Variants in METTL22 observed in about 807,000 individuals in gnomAD.
METTL22 encodes the protein methyltransferase-like protein 22.
METTL22 carries 51 observed loss-of-function variants against 48.4 expected under a neutral mutation model. The observed-to-expected ratio is 1.05, with a 90% confidence interval of 0.84 to 1.33. The LOEUF is 1.33. Among genes scored for constraint, METTL22 ranks in the 40% most tolerant of loss-of-function variants. The pLI is 0.00. For synonymous variants in METTL22, 255 were observed against 214.1 expected (o/e 1.19, Z -1.67); for missense variants, 678 against 526.9 (o/e 1.29, Z -2.81).
At chr16:8,626,301 C>G (rs1490251737) in intron 2 of METTL22, among the ~76,000 whole-genome samples, 3 of 152,166 alleles carry the variant, frequency 2.0e-5, no homozygotes, top group Non-Finnish European at 4.4e-5. Context: ...ATTAAGCAAA[C>G]TCCTGTGGTT....
intron 8 of METTL22, 23 bp downstream of exon 8, chr16:8,642,230 G>T (rs1284809061): frequency 6.3e-7 from 1 of 1,584,604 alleles, no homozygotes; most frequent in Non-Finnish European, 8.7e-7. Flanking sequence ...CTCCTTCGCC[G>T]TACACGTCCT....
At chr16:8,630,092 A>T (rs2056204390) in intron 3 of METTL22, among the ~76,000 whole-genome samples, 1 of 152,096 alleles carries the variant, frequency 6.6e-6, no homozygotes, top group African/African-American at 2.4e-5. Flanking sequence ...TGGTGTCTTG[A>T]GTTCCCAGGG....
chr16:8,666,190 A>G, the METTL22 span, among the ~76,000 whole-genome samples: 2 of 152,184 alleles, frequency 1.3e-5, no homozygotes, highest in African/African-American at 4.8e-5. Flanking sequence ...ATCCTGAGCA[A>G]GCAGTTCTTG....
intron 3 of METTL22, among the ~76,000 whole-genome samples, chr16:8,633,188 C>A (rs1235300099): frequency 1.3e-5 from 2 of 152,152 alleles, no homozygotes; most frequent in Non-Finnish European, 2.9e-5. Flanking sequence ...AGCACACAAG[C>A]CTTCAGCCTG....
chr16:8,653,606 T>A, downstream of METTL22, among the ~76,000 whole-genome samples: 1 of 152,226 alleles, frequency 6.6e-6, no homozygotes, highest in East Asian at 1.9e-4. Flanking sequence ...TCAGTCTCTA[T>A]TGATTACTAG....
intron 3 of METTL22, 104 bp downstream of exon 3, chr16:8,629,214 G>C (rs1040372659): frequency 6.2e-6 from 9 of 1,458,198 alleles, no homozygotes; most frequent in Non-Finnish European, 8.3e-6. Flanking sequence ...GGCCCAGGCA[G>C]CACAGGTTAT....
chr16:8,638,495 C>T (rs538393890), intron 5 of METTL22, among the ~76,000 whole-genome samples: 4 of 152,236 alleles, frequency 2.6e-5, no homozygotes, highest in East Asian at 1.9e-4. Flanking sequence ...GAGTAGCAGG[C>T]GGCTGGGAGG....
chr16:8,663,381 G>A, the METTL22 span, among the ~76,000 whole-genome samples: 2 of 152,058 alleles, frequency 1.3e-5, no homozygotes, highest in East Asian at 1.9e-4. Context: ...TAACCACTTC[G>A]CCTAAGTGTT....
chr16:8,649,804 CAAAA>C (rs1308905444), downstream of METTL22: 4 of 45,674 alleles, frequency 8.8e-5, no homozygotes, highest in African/African-American at 2.4e-4. Flanking sequence ...AACTCCGTCT[CAAAA>C]GAAATTAAAA....
intron 3 of METTL22, among the ~76,000 whole-genome samples, chr16:8,630,156 C>G (rs2056206860): frequency 6.6e-6 from 1 of 151,254 alleles, no homozygotes; most frequent in Non-Finnish European, 1.5e-5. Flanking sequence ...CAGTGGGTCA[C>G]TCTCAAAAAC....
the METTL22 span, among the ~76,000 whole-genome samples, chr16:8,658,708 G>A: frequency 6.6e-6 from 1 of 152,172 alleles, no homozygotes; most frequent in African/African-American, 2.4e-5. Context: ...CTCCGTCTTT[G>A]GGAGGGCGGG....
chr16:8,636,424 G>C (rs35992498), intron 5 of METTL22, among the ~76,000 whole-genome samples: 4,777 of 150,322 alleles, frequency 0.032, 136 homozygotes, highest in Non-Finnish European at 0.048. Context: ...TGTAATCCCA[G>C]CTACTTGGGA....
Position 8,649,548 on chromosome 16 carries a change from T to C in METTL22, c.*3405T>C, listed in dbSNP as rs113544516. 1.1e-4 allele frequency: 16 copies of C among 152,090 alleles called. 2 individuals are homozygous for C. The highest frequency in any genetic ancestry group is 3.9e-4 in the African/African-American group (16 of 41,466). 9.4% of individuals were successfully genotyped at this position (152,090 alleles called of 1,614,324 possible). ...GGCTCACACCTGTAATTCCAGCATT[T>C]TGGGAGGCCGAGGTGGGTGGATCAC... On this transcript the variant is annotated 3_prime_UTR_variant, in exon 11 of 11. Transcript: ENST00000381920.
At chr16:8,645,217 G>A (rs963715481) in intron 10 of METTL22, among the ~76,000 whole-genome samples, 2 of 152,174 alleles carry the variant, frequency 1.3e-5, no homozygotes, top group African/African-American at 4.8e-5. Flanking sequence ...TTGCCTTTTG[G>A]CTGTGGCCTC....
chr16:8,653,551 G>A (rs899299202), downstream of METTL22, among the ~76,000 whole-genome samples: 8 of 152,234 alleles, frequency 5.3e-5, no homozygotes, highest in East Asian at 1.9e-4. Context: ...TAAAGGCAGC[G>A]GAAATAAAGC....
chr16:8,635,867 C>T (rs773379319), intron 5 of METTL22, among the ~76,000 whole-genome samples: 7 of 152,220 alleles, frequency 4.6e-5, no homozygotes, highest in South Asian at 2.1e-4. Context: ...AGGGCGCTTA[C>T]GTTGTAAGAA....
chr16:8,642,209 T>A lies in METTL22; in HGVS notation c.907+2T>A. 2 of 1,611,244 alleles carry A rather than the reference T, an allele frequency of 1.2e-6. No homozygotes were observed. The highest frequency in any genetic ancestry group is 1.7e-6 in the Non-Finnish European group (2 of 1,177,476). ...CCACCATCCTGTTTGCAGCCGAAGG[T>A]AAGAAAATTTCTCCTTCGCCGTACA... On this transcript the variant is annotated splice_donor_variant, in intron 8 of 10. Transcript: ENST00000381920. LOFTEE classifies it high-confidence loss of function.
chr16:8,633,340 C>T (rs550060473), intron 3 of METTL22, among the ~76,000 whole-genome samples: 1 of 152,264 alleles, frequency 6.6e-6, no homozygotes, highest in African/African-American at 2.4e-5. Flanking sequence ...GTGGCTCACA[C>T]CTATGATCCC....
the METTL22 span, among the ~76,000 whole-genome samples, chr16:8,664,173 C>T: frequency 4.0e-5 from 6 of 151,812 alleles, no homozygotes; most frequent in Non-Finnish European, 5.9e-5. Context: ...CTGCATCCTC[C>T]GGCTCCTGGA....
Sources: gnomAD v4.1 joint callset for allele counts (sites outside exome capture counted in the v4.1 genomes callset) on GRCh38, gnomAD v4.1.1 for gene constraint, MANE v1.5 for transcripts, NCBI Gene and HGNC (gene_info 2026-07-23, HGNC 2026-07-21) for gene names.